Variants in BANK1 observed in about 807,000 individuals in gnomAD.
BANK1 encodes B cell scaffold protein with ankyrin repeats 1.
In BANK1, 95 loss-of-function variants were observed where a neutral mutation model predicts 94.5. That is an observed-to-expected ratio of 1.00 (90% CI 0.85 to 1.19). The LOEUF is 1.19. Among genes scored for constraint, BANK1 ranks in the 50% most tolerant of loss-of-function variants. The pLI is 0.00. For missense variants in BANK1, 987 were observed against 932.2 expected, an observed-to-expected ratio of 1.06 and a Z score of -0.77; for synonymous variants, 334 against 308.4, an observed-to-expected ratio of 1.08 and a Z score of -0.87.
At chr4:101,838,955 T>A (rs1333769074) in intron 2 of BANK1, among the ~76,000 whole-genome samples, 2 of 152,250 alleles carry the variant, frequency 1.3e-5, no homozygotes. Flanking sequence ...ATGATGTATC[T>A]GACACTGTTT....
intron 7 of BANK1, among the ~76,000 whole-genome samples, chr4:101,986,565 T>C (rs1474264801): frequency 6.6e-6 from 1 of 151,878 alleles, no homozygotes; most frequent in African/African-American, 2.4e-5. Context: ...TAAGAGTAAA[T>C]GTACTTGGCA....
chr4:102,007,141 ATATT>A (rs1726320545), intron 7 of BANK1, among the ~76,000 whole-genome samples: 3 of 14,922 alleles, frequency 2.0e-4, no homozygotes, highest in African/African-American at 9.1e-4. Flanking sequence ...TATAAAAAAT[ATATT>A]TTATATATAT....
Position 101,907,039 on chromosome 4 carries a change from C to A in BANK1, c.1010-10954C>A, listed in dbSNP as rs113882503. Among the ~76,000 whole-genome samples, 1,227 of 152,262 alleles carry A rather than the reference C, an allele frequency of 8.1e-3. 9 individuals carry two copies. Among genetic ancestry groups the A allele is most frequent in the Non-Finnish European group, 0.014 (955 of 68,008 alleles). On this transcript the variant is annotated intron_variant, in intron 6 of 16. Transcript: ENST00000322953. ...AACAAACCAGTCATTAGCATTGTTT[C>A]CATAGATATTAAATTAAAAGTATCC... is the stretch of plus-strand genomic sequence containing the variant.
intron 7 of BANK1, among the ~76,000 whole-genome samples, chr4:101,941,111 T>C (rs548347707): frequency 2.6e-4 from 39 of 151,964 alleles, no homozygotes; most frequent in African/African-American, 8.9e-4. Flanking sequence ...AAAACTACTT[T>C]ATTTTTTGCT....
intron 1 of BANK1, among the ~76,000 whole-genome samples, chr4:101,805,282 T>C (rs1365768128): frequency 6.6e-6 from 1 of 152,158 alleles, no homozygotes; most frequent in Non-Finnish European, 1.5e-5. Flanking sequence ...TAAATGCAAG[T>C]AATTTAGACA....
At chr4:101,997,230 G>T (rs1725910001) in intron 7 of BANK1, among the ~76,000 whole-genome samples, 1 of 152,088 alleles carries the variant, frequency 6.6e-6, no homozygotes, top group Admixed American at 6.6e-5. Context: ...GATGGATTAT[G>T]TTTATTGATT....
At chr4:101,794,217 G>C (rs559207182) in intron 1 of BANK1, among the ~76,000 whole-genome samples, 20 of 152,000 alleles carry the variant, frequency 1.3e-4, no homozygotes, top group Admixed American at 1.1e-3. Context: ...TACCAGTTGT[G>C]ACTCAGTTTA....
chr4:101,800,325 T>C (rs1725317620), intron 1 of BANK1, among the ~76,000 whole-genome samples: 1 of 152,134 alleles, frequency 6.6e-6, no homozygotes, highest in African/African-American at 2.4e-5. Context: ...CTCGTATTTT[T>C]CATTCCTTCT....
At chr4:101,997,494 C>T (rs556614410) in intron 7 of BANK1, among the ~76,000 whole-genome samples, 9 of 152,060 alleles carry the variant, frequency 5.9e-5, no homozygotes, top group Non-Finnish European at 1.3e-4. Flanking sequence ...GGAATAGTTT[C>T]GGAAGGAATG....
At chr4:102,050,250 TCAAGTTGCTG>T (rs1470654778) in intron 11 of BANK1, among the ~76,000 whole-genome samples, 1 of 152,164 alleles carries the variant, frequency 6.6e-6, no homozygotes, top group Non-Finnish European at 1.5e-5. Flanking sequence ...GAGGCAAGAA[TCAAGTTGCTG>T]CAGATCTGTA....
intron 10 of BANK1, among the ~76,000 whole-genome samples, chr4:102,036,421 T>C (rs1287736547): frequency 1.3e-5 from 2 of 152,238 alleles, no homozygotes; most frequent in East Asian, 3.8e-4. Context: ...TAATGGTCTC[T>C]GTCCTCATTA....
chr4:102,006,824 T>C (rs1726276123), intron 7 of BANK1, among the ~76,000 whole-genome samples: 2 of 151,300 alleles, frequency 1.3e-5, no homozygotes, highest in Admixed American at 6.6e-5. Flanking sequence ...GTTTAGCTAG[T>C]GCAGTTCTGA....
intron 1 of BANK1, among the ~76,000 whole-genome samples, chr4:101,802,506 T>TTA (rs1725388340): frequency 6.6e-6 from 1 of 152,196 alleles, no homozygotes; most frequent in African/African-American, 2.4e-5. Flanking sequence ...GGCTGCTTTT[T>TTA]TATATATCTT....
chr4:101,994,612 C>T (rs1176108747), intron 7 of BANK1, among the ~76,000 whole-genome samples: 2 of 152,096 alleles, frequency 1.3e-5, no homozygotes, highest in Non-Finnish European at 2.9e-5. Flanking sequence ...TATGTTAGGG[C>T]TGATAGGGGC....
chr4:101,836,187 A>T (rs1160011305), intron 2 of BANK1, among the ~76,000 whole-genome samples: 1 of 152,072 alleles, frequency 6.6e-6, no homozygotes, highest in Non-Finnish European at 1.5e-5. Flanking sequence ...GAATGTTGTT[A>T]ACTTTCTTTT....
intron 5 of BANK1, among the ~76,000 whole-genome samples, chr4:101,892,385 C>A (rs1285430910): frequency 1.3e-5 from 2 of 151,368 alleles, no homozygotes; most frequent in Non-Finnish European, 3.0e-5. Context: ...AAAAAATTTT[C>A]TTGGGAGTAG....
chr4:102,031,909 A>G (rs1727330106), intron 10 of BANK1, among the ~76,000 whole-genome samples: 1 of 152,118 alleles, frequency 6.6e-6, no homozygotes, highest in Non-Finnish European at 1.5e-5. Flanking sequence ...TTATTTAATG[A>G]TGATCTTCTC....
At chr4:101,827,802 C>T (rs1726422016) in intron 1 of BANK1, among the ~76,000 whole-genome samples, 1 of 151,874 alleles carries the variant, frequency 6.6e-6, no homozygotes. Flanking sequence ...TACTATTCCA[C>T]ACTTCTAAGA....
chr4:101,853,254 G>A (rs536385040), intron 2 of BANK1, among the ~76,000 whole-genome samples: 1 of 152,278 alleles, frequency 6.6e-6, no homozygotes, highest in Non-Finnish European at 1.5e-5. Flanking sequence ...TTTCTTCTCA[G>A]AAACAGCGTG....
Sources: gnomAD v4.1 joint callset for allele counts (sites outside exome capture counted in the v4.1 genomes callset) on GRCh38, gnomAD v4.1.1 for gene constraint, MANE v1.5 for transcripts, NCBI Gene and HGNC (gene_info 2026-07-23, HGNC 2026-07-21) for gene names.